Variants in DPP6 observed in about 807,000 individuals in gnomAD.
DPP6 encodes dipeptidyl peptidase like 6, also known as A-type potassium channel modulatory protein DPP6.
Under a neutral mutation model 122.6 loss-of-function variants are expected in DPP6, and 69 were observed. The observed-to-expected ratio is 0.56, with a 90% CI of 0.46 to 0.69. The LOEUF is 0.69. Among genes scored for constraint, DPP6 ranks in the 30% least tolerant of loss-of-function variants. DPP6 has a pLI of 0.00. For synonymous variants in DPP6, 418 were observed against 433.1 expected (o/e 0.97, Z 0.43); for missense variants, 928 against 1,116.9 (o/e 0.83, Z 2.41).
At position 154,566,828 on chromosome 7, in the gene DPP6, A is replaced by G. The variant is rs771335552; in HGVS notation, c.553-14A>G. On this transcript the variant is annotated splice_polypyrimidine_tract_variant and intron_variant, in intron 4 of 25. Transcript: ENST00000377770. ...TGTAATGCTTTAAAATTCTTTGTCT[A>G]TTTTTTCTTTTAGGAATCATTAAGA... 8.8e-6 allele frequency: 13 copies of G among 1,473,084 alleles called. No homozygotes were observed. Among genetic ancestry groups the G allele is most frequent in the Middle Eastern group, 1.7e-4 (1 of 5,826 alleles). The allele number at this position is 1,473,084 out of a possible 1,614,324, so 91.3% of individuals were successfully genotyped here. A position where few individuals can be genotyped will look rare whatever the true frequency, so the allele number is the denominator to read the frequency against.
chr7:153,817,859 A>G, the DPP6 span, among the ~76,000 whole-genome samples: 3 of 151,830 alleles, frequency 2.0e-5, no homozygotes, highest in African/African-American at 7.3e-5. Context: ...TGGCACATGT[A>G]TACATATGTA....
At chr7:154,391,995 C>T (rs1024378785) in intron 1 of DPP6, among the ~76,000 whole-genome samples, 4 of 152,028 alleles carry the variant, frequency 2.6e-5, no homozygotes, top group Admixed American at 1.3e-4. Flanking sequence ...CTATTCTGGC[C>T]GGGCGCGGCG....
intron 16 of DPP6, among the ~76,000 whole-genome samples, chr7:154,846,950 A>G (rs1480778856): frequency 2.0e-5 from 3 of 152,128 alleles, no homozygotes; most frequent in Non-Finnish European, 2.9e-5. Flanking sequence ...ATATTCTGCC[A>G]TGTGAGTAAC....
chr7:153,996,062 A>G (rs1462183634), intron 1 of DPP6, among the ~76,000 whole-genome samples: 1 of 152,136 alleles, frequency 6.6e-6, no homozygotes, highest in East Asian at 1.9e-4. Context: ...CCTGTCACCC[A>G]GTAGGCCCTC....
chr7:154,105,239 C>T lies in DPP6; in HGVS notation c.243+52176C>T, dbSNP rs186637220. The stretch of plus-strand genomic sequence containing the variant: ...GTCAAAGAAGGCAAGTGGGAGAGAC[C>T]GGGCCTGAGGTGATGCTGTGTTCCT... On this transcript the variant is annotated intron_variant, in intron 1 of 25. Coordinates refer to ENST00000377770, the MANE Select transcript of DPP6 (RefSeq NM_130797.4). 3.3e-3 allele frequency among the ~76,000 whole-genome samples: 497 copies of T among 152,294 alleles called. 3 individuals carry two copies. Among genetic ancestry groups the T allele is most frequent in the African/African-American group, 9.4e-3 (389 of 41,558 alleles).
At chr7:153,871,075 C>A in the DPP6 span, among the ~76,000 whole-genome samples, 2 of 152,164 alleles carry the variant, frequency 1.3e-5, no homozygotes, top group East Asian at 3.9e-4. Flanking sequence ...GGGATGCCTC[C>A]CAGTTAGGCT....
chr7:154,029,817 A>G (rs1292020891), intron 1 of DPP6, among the ~76,000 whole-genome samples: 4 of 151,326 alleles, frequency 2.6e-5, no homozygotes, highest in Admixed American at 2.0e-4. Flanking sequence ...CTACACTCCA[A>G]CCTGGGTGAC....
In DPP6 at chr7:154,361,811, TATC is replaced by T. The variant is rs1312440974; in HGVS notation, c.244-84399_244-84397del. Among the ~76,000 whole-genome samples, 5 of 152,346 alleles carry T rather than the reference TATC, an allele frequency of 3.3e-5. No homozygotes were observed. In the South Asian group the frequency reaches 1.0e-3, roughly 32 times the overall value. ...ACACATAGCATTATGAAGGAGGCAT[TATC>T]ATCCCTGCCTTACAGATGGAGAATT... On this transcript the variant is annotated intron_variant, in intron 1 of 25. Coordinates refer to ENST00000377770, the MANE Select transcript of DPP6 (RefSeq NM_130797.4).
intron 1 of DPP6, among the ~76,000 whole-genome samples, chr7:154,242,468 C>T (rs1353564344): frequency 1.3e-5 from 2 of 152,128 alleles, no homozygotes; most frequent in African/African-American, 4.8e-5. Flanking sequence ...TTTCCTCTAG[C>T]TCTGATAGAG....
chr7:154,794,043 C>T (rs1477868997), intron 10 of DPP6, 36 bp from the exon 11 acceptor site: 1 of 1,602,298 alleles, frequency 6.2e-7, no homozygotes, highest in African/African-American at 1.3e-5. Flanking sequence ...TGCGGGGGTC[C>T]TGCCAAGCTG....
At chr7:153,863,370 T>C in the DPP6 span, among the ~76,000 whole-genome samples, 1 of 152,206 alleles carries the variant, frequency 6.6e-6, no homozygotes, top group African/African-American at 2.4e-5. Flanking sequence ...GTCTTTGCTG[T>C]TGTGAACATG....
the DPP6 span, among the ~76,000 whole-genome samples, chr7:153,758,540 T>A: frequency 6.6e-6 from 1 of 152,200 alleles, no homozygotes; most frequent in South Asian, 2.1e-4. Flanking sequence ...CCTTTTTCCA[T>A]CCGTAAGGAA....
At chr7:154,671,233 T>C (rs974707516) in intron 7 of DPP6, among the ~76,000 whole-genome samples, 2 of 149,024 alleles carry the variant, frequency 1.3e-5, no homozygotes, top group Non-Finnish European at 3.0e-5. Context: ...CATCAAATCA[T>C]CTGTGAAAGT....
chr7:154,592,310 A>G (rs1832849498), intron 5 of DPP6, among the ~76,000 whole-genome samples: 1 of 152,252 alleles, frequency 6.6e-6, no homozygotes, highest in South Asian at 2.1e-4. Flanking sequence ...AAGAAGATGC[A>G]TTTAAAACAT....
intron 1 of DPP6, among the ~76,000 whole-genome samples, chr7:154,394,615 T>C (rs1191045872): frequency 6.6e-6 from 1 of 152,194 alleles, no homozygotes; most frequent in East Asian, 1.9e-4. Flanking sequence ...TTATTTTTCC[T>C]GGTTGCCTAT....
chr7:154,470,995 A>G (rs550679603), intron 2 of DPP6, among the ~76,000 whole-genome samples: 2 of 152,330 alleles, frequency 1.3e-5, no homozygotes, highest in South Asian at 4.1e-4. Context: ...TCACACCTGT[A>G]ATCCCAGCAC....
chr7:154,536,411 A>C (rs1828260345), intron 3 of DPP6, among the ~76,000 whole-genome samples: 2 of 152,188 alleles, frequency 1.3e-5, no homozygotes, highest in Non-Finnish European at 2.9e-5. Context: ...AACTCATGGA[A>C]AGATGCTAAG....
intron 1 of DPP6, among the ~76,000 whole-genome samples, chr7:153,982,933 G>A (rs1157042084): frequency 1.3e-5 from 2 of 152,172 alleles, no homozygotes; most frequent in African/African-American, 2.4e-5. Context: ...GTCCCAGAGG[G>A]GCACCCACCA....
intron 1 of DPP6, chr7:154,058,523 C>T (rs1318116210): frequency 2.1e-5 from 3 of 145,836 alleles, no homozygotes; most frequent in Non-Finnish European, 4.5e-5. Flanking sequence ...GAGCCAACCC[C>T]TGGTTCCCCC....
Sources: allele counts gnomAD v4.1 joint callset (sites outside exome capture counted in the v4.1 genomes callset), GRCh38; gene constraint gnomAD v4.1.1; transcripts MANE v1.5; gene names NCBI Gene and HGNC (gene_info 2026-07-23, HGNC 2026-07-21).